Variants in NRXN3 observed in about 807,000 individuals in gnomAD.
The protein encoded by NRXN3 is neurexin III.
A neutral mutation model predicts 137.6 loss-of-function variants in NRXN3; 32 were observed. The observed-to-expected ratio is 0.23, with a 90% CI of 0.18 to 0.31. The LOEUF (loss-of-function observed/expected upper bound fraction) is 0.31, where lower values mean the gene tolerates loss of function less well. Ranked by LOEUF, NRXN3 falls within the 10% of genes least tolerant of loss-of-function variation. The probability of loss-of-function intolerance (pLI) is 1.00; values close to 1 mark genes in which losing one functional copy is unlikely to be tolerated. For missense variants in NRXN3, 1,574 were observed against 2,062.5 expected (o/e 0.76, Z 4.59); for synonymous variants, 798 against 784.5 (o/e 1.02, Z -0.29).
intron 6 of NRXN3, among the ~76,000 whole-genome samples, chr14:78,692,928 A>G (rs2098186752): frequency 6.6e-6 from 1 of 151,730 alleles, no homozygotes; most frequent in South Asian, 2.1e-4. Flanking sequence ...TAATAATACA[A>G]ATATTAGCTG....
intron 4 of NRXN3, chr14:78,526,874 C>T (rs770076272): frequency 1.3e-5 from 6 of 445,684 alleles, no homozygotes; most frequent in Non-Finnish European, 2.7e-5. Context: ...CAGAAATACA[C>T]CAAAGAAGCT....
intron 19 of NRXN3, among the ~76,000 whole-genome samples, chr14:79,766,439 C>A (rs2099056241): frequency 6.6e-6 from 1 of 152,134 alleles, no homozygotes. Context: ...AAAGCTTGTT[C>A]CTGAGCTGAA....
intron 19 of NRXN3, among the ~76,000 whole-genome samples, chr14:79,754,023 A>T (rs1016321714): frequency 2.6e-5 from 4 of 151,086 alleles, no homozygotes; most frequent in Non-Finnish European, 3.0e-5. Flanking sequence ...AGAGTACTTT[A>T]AAAAAAAAGT....
At chr14:78,803,464 A>G (rs2098845528) in intron 8 of NRXN3, among the ~76,000 whole-genome samples, 156 bp from the exon 9 acceptor site, 1 of 152,182 alleles carries the variant, frequency 6.6e-6, no homozygotes, top group South Asian at 2.1e-4. Context: ...CCAGCGTCAC[A>G]CAGATTAAAA....
chr14:78,387,596 T>C (rs778542769), intron 4 of NRXN3, among the ~76,000 whole-genome samples: 3 of 152,228 alleles, frequency 2.0e-5, no homozygotes, highest in African/African-American at 4.8e-5. Context: ...CGTGGCCTAA[T>C]TGGCCCCTCT....
intron 16 of NRXN3, among the ~76,000 whole-genome samples, chr14:79,561,352 T>C (rs1477843994): frequency 1.3e-5 from 2 of 152,196 alleles, no homozygotes; most frequent in African/African-American, 4.8e-5. Flanking sequence ...CATATTGTGA[T>C]GTTGACTATA....
intron 16 of NRXN3, among the ~76,000 whole-genome samples, chr14:79,621,390 A>T (rs974607942): frequency 7.9e-5 from 12 of 152,372 alleles, no homozygotes; most frequent in Non-Finnish European, 1.3e-4. Flanking sequence ...TTGTTTCTAC[A>T]AGAAAGATGT....
At chr14:78,959,718 A>G (rs2099404367) in intron 11 of NRXN3, among the ~76,000 whole-genome samples, 1 of 152,214 alleles carries the variant, frequency 6.6e-6, no homozygotes, top group African/African-American at 2.4e-5. Context: ...AAATGGTTAC[A>G]CTATTTAGCG....
intron 19 of NRXN3, among the ~76,000 whole-genome samples, chr14:79,776,869 C>T (rs2099098745): frequency 6.6e-6 from 1 of 152,182 alleles, no homozygotes; most frequent in Admixed American, 6.5e-5. Flanking sequence ...GCACTGATCG[C>T]CAACTGCAAA....
At chr14:79,036,329 A>G (rs2099615912) in intron 15 of NRXN3, among the ~76,000 whole-genome samples, 1 of 152,046 alleles carries the variant, frequency 6.6e-6, no homozygotes, top group Non-Finnish European at 1.5e-5. Context: ...TGTCCTTTCT[A>G]AAAATAAGAA....
At position 78,880,769 on chromosome 14, in the gene NRXN3, G is replaced by A. The variant is rs1036703074; in HGVS notation, c.2275+70425G>A. ...GTATATATAAGTGTTATGTATTTAC[G>A]CATATGGTACATGTGCCTACAAGCA... On this transcript the variant is annotated intron_variant, in intron 10 of 20. Transcript: ENST00000335750. 3.9e-5 allele frequency among the ~76,000 whole-genome samples: 6 copies of A among 152,140 alleles called. No individual in the cohort carries two copies. The South Asian group carries it at 6.2e-4, about 16-fold the overall frequency.
rs117497025 is a variant in NRXN3, at chr14:78,973,719, A to G, written c.3142+5373A>G. Reference sequence around the variant, plus strand: ...AATGGCCCACTGATCCTATGGTGCCATGCTGCTATGTCTCAGAATAACAAG... The same window carrying G: ...AATGGCCCACTGATCCTATGGTGCCGTGCTGCTATGTCTCAGAATAACAAG... On this transcript the variant is annotated intron_variant, in intron 14 of 20. Transcript: ENST00000335750. 1.5e-3 allele frequency among the ~76,000 whole-genome samples: 221 copies of G among 152,310 alleles called. 6 individuals are homozygous for G. The East Asian group carries it at 0.038, about 26-fold the overall frequency.
rs1013584599 is a variant in NRXN3 at position 79,001,460 on chromosome 14, T to G, written c.3262+13319T>G. 2.0e-4 allele frequency among the ~76,000 whole-genome samples: 30 copies of G among 152,200 alleles called. 1 individual carries two copies. Among genetic ancestry groups the G allele is most frequent in the African/African-American group, 6.8e-4 (28 of 41,470 alleles). ...ACATTTTCTTGAATATTCATGGCTT[T>G]CTATATTCTAATAAGGTCAGGTTTC... On this transcript the variant is annotated intron_variant, in intron 15 of 20. Transcript: ENST00000335750.
chr14:78,248,302 G>GCCC (rs1177541167), intron 2 of NRXN3, among the ~76,000 whole-genome samples: 1 of 22,556 alleles, frequency 4.4e-5, no homozygotes, highest in Admixed American at 5.3e-4. Context: ...ACCGCCCCCC[G>GCCC]CCCCCCCCCC....
At chr14:78,748,119 T>A (rs1025959419) in intron 8 of NRXN3, among the ~76,000 whole-genome samples, 5 of 152,118 alleles carry the variant, frequency 3.3e-5, no homozygotes, top group Non-Finnish European at 7.3e-5. Context: ...ATTTACTGAG[T>A]ATCTACTCTC....
At chr14:79,722,649 C>T (rs1316206192) in intron 19 of NRXN3, among the ~76,000 whole-genome samples, 1 of 152,112 alleles carries the variant, frequency 6.6e-6, no homozygotes, top group East Asian at 1.9e-4. Context: ...TTCCAGGTGC[C>T]TCTCCCATGT....
At chr14:79,776,383 TG>T (rs1399524826) in intron 19 of NRXN3, among the ~76,000 whole-genome samples, 4 of 152,194 alleles carry the variant, frequency 2.6e-5, no homozygotes, top group Non-Finnish European at 4.4e-5. Flanking sequence ...TGGACCAATA[TG>T]GCTTGTGACC....
chr14:79,399,094 A>T (rs1281982363), intron 15 of NRXN3, among the ~76,000 whole-genome samples: 1 of 151,720 alleles, frequency 6.6e-6, no homozygotes, highest in African/African-American at 2.4e-5. Flanking sequence ...ACCAGGTTCC[A>T]TAGGGCACGC....
chr14:78,703,403 A>G (rs1156818385), intron 6 of NRXN3, among the ~76,000 whole-genome samples: 1 of 152,182 alleles, frequency 6.6e-6, no homozygotes, highest in Non-Finnish European at 1.5e-5. Flanking sequence ...TTCTTTCACA[A>G]CACTTCTTAG....
Sources: allele counts gnomAD v4.1 joint callset (sites outside exome capture counted in the v4.1 genomes callset), GRCh38; gene constraint gnomAD v4.1.1; transcripts MANE v1.5; gene names NCBI Gene and HGNC (gene_info 2026-07-23, HGNC 2026-07-21).